The following KLHDC7A variants were observed in gnomAD, a reference collection of about 807,000 sequenced individuals.
The protein encoded by KLHDC7A is kelch domain-containing protein 7A.
For missense variants in KLHDC7A, 1,123 were observed against 1,052.6 expected (o/e 1.07, Z -0.93); for synonymous variants, 464 against 461.0 (o/e 1.01, Z -0.08).
Position 18,482,926 on chromosome 1 carries a change from C to G in KLHDC7A, c.1945C>G (p.Arg649Gly). 1 of 1,611,064 alleles carries G rather than the reference C, an allele frequency of 6.2e-7. No individual in the cohort carries two copies. The highest frequency in any genetic ancestry group is 8.5e-7 in the Non-Finnish European group (1 of 1,179,452). Residue 649 changes from arginine (R) to glycine (G), a missense_variant, in exon 1 of 1, where the codon CGC becomes GGC. By Grantham distance (125) the Arg-to-Gly change is moderately radical (BLOSUM62 -2). Transcript: ENST00000400664. ...CGGCTCGCTGCGCTTCCTGCTGTTC[C>G]GCTTCTCTGCGCAGGAGCAGCGCTG... Reference protein sequence around the residue: ...TGGSLRFLLFRFSAQEQRWWA... With the variant: ...TGGSLRFLLFGFSAQEQRWWA...
In KLHDC7A at chr1:18,482,245, C is replaced by G. The variant is rs551968821; in HGVS notation, c.1264C>G (p.Pro422Ala). The G allele has an allele frequency of 1.9e-5, 30 of 1,606,460 alleles. No individual in the cohort carries two copies. In the Admixed American group the frequency reaches 5.0e-4, roughly 27 times the overall value. Residue 422 changes from proline (P) to alanine (A), a missense_variant, in exon 1 of 1, where the codon CCT becomes GCT. Physicochemically the swap from Pro to Ala is conservative, Grantham distance 27 (BLOSUM62 -1). Transcript: ENST00000400664. ...GTNFFHIPLT[P>A]ASAPQVRLDL... ...CAATTTCTTCCATATCCCGCTCACC[C>G]CTGCTTCAGCCCCACAGGTCCGCCT...
In KLHDC7A at chr1:18,481,533, G is replaced by A. The variant is rs201844095; in HGVS notation, c.552G>A (p.Glu184=). ...CCGACGGCAGCTGTGCCGGTGGTGA[G>A]CCTTCTCCATGGCAGGACAGTAAAC... ...AAADGSCAGG[E]PSPWQDSKPR... Residue 184 remains glutamate (E), a synonymous_variant, in exon 1 of 1, where the codon GAG becomes GAA. Transcript: ENST00000400664. 76 of 1,613,204 alleles carry A rather than the reference G, an allele frequency of 4.7e-5. 1 individual carries two copies. The African/African-American group carries it at 9.5e-4, about 20-fold the overall frequency.
In KLHDC7A at chr1:18,482,010, C is replaced by T. The variant is rs778896030; in HGVS notation, c.1029C>T (p.Ala343=). The part of the protein sequence containing the change: ...GGQAGDTKGA[A]ERAASPQTGP... ...AAGCCGGTGACACAAAGGGTGCAGC[C>T]GAAAGAGCCGCCTCCCCGCAGACAG... The change falls in exon 1 of 1, where the codon GCC becomes GCT. Residue 343 remains alanine, a synonymous_variant. Coordinates refer to ENST00000400664, the MANE Select transcript of KLHDC7A (RefSeq NM_152375.3). 6.8e-6 allele frequency: 11 copies of T among 1,612,706 alleles called. No homozygotes were observed. Among genetic ancestry groups the T allele is most frequent in the Admixed American group, 3.3e-5 (2 of 59,976 alleles).
At position 18,484,732 on chromosome 1, in the gene KLHDC7A, G is replaced by C. The variant is rs1462103002; in HGVS notation, c.*1417G>C. ...TGCTGGTGCCCAGGCTGTGGGTCTT[G>C]TTGGAAGAAGCAGGACTGGAACAAA... On this transcript the variant is annotated 3_prime_UTR_variant, in exon 1 of 1. Coordinates refer to ENST00000400664, the MANE Select transcript of KLHDC7A (RefSeq NM_152375.3). 1 of 167,346 alleles carries C rather than the reference G, an allele frequency of 6.0e-6. No homozygotes were observed. Among genetic ancestry groups the C allele is most frequent in the East Asian group, 1.9e-4 (1 of 5,196 alleles). The allele number at this position is 167,346 out of a possible 1,614,324, so 10.4% of individuals were successfully genotyped here.
In KLHDC7A at chr1:18,483,543, G is replaced by A; in HGVS notation, c.*228G>A. ...CTGCAGAAAAGAGGACCAGGAGCTG[G>A]TGTTCCAAGGCAGAAGGCATTCATG... On this transcript the variant is annotated 3_prime_UTR_variant, in exon 1 of 1. Coordinates refer to ENST00000400664, the MANE Select transcript of KLHDC7A (RefSeq NM_152375.3). 7.0e-7 allele frequency: 1 copy of A among 1,423,862 alleles called. No homozygotes were observed. The highest frequency in any genetic ancestry group is 9.2e-7 in the Non-Finnish European group (1 of 1,084,692). The allele number at this position is 1,423,862 out of a possible 1,614,324, so 88.2% of individuals were successfully genotyped here. A position where few individuals can be genotyped will look rare whatever the true frequency, so the allele number is the denominator to read the frequency against.
Position 18,483,708 on chromosome 1 carries a change from C to T in KLHDC7A, c.*393C>T. 1 of 1,193,712 alleles carries T rather than the reference C, an allele frequency of 8.4e-7. No individual in the cohort carries two copies. The highest frequency in any genetic ancestry group is 1.7e-5 in the South Asian group (1 of 58,162). 73.9% of individuals were successfully genotyped at this position (1,193,712 alleles called of 1,614,324 possible). A position where few individuals can be genotyped will look rare whatever the true frequency, so the allele number is the denominator to read the frequency against. On this transcript the variant is annotated 3_prime_UTR_variant, in exon 1 of 1. Transcript: ENST00000400664. ...GACCCCAGCAGCCCCTCGCTAGTTG[C>T]TCTGGAGAGGGGTTGGCTCTCTGAG...
rs771537462 is a variant in KLHDC7A at position 18,483,037 on chromosome 1, C to T, written c.2056C>T (p.Arg686Cys). Residue 686 changes from arginine to cysteine, a missense_variant, in exon 1 of 1, where the codon CGC (arginine) becomes TGC (cysteine). Arg to Cys is a radical substitution (Grantham distance 180). Transcript: ENST00000400664. Reference sequence around the variant, plus strand: ...CTTTCTCTACCGCTTTGACCTCAACCGCAGCCTGGGCATCGCCGTGTACCG... The same window carrying T: ...CTTTCTCTACCGCTTTGACCTCAACTGCAGCCTGGGCATCGCCGTGTACCG... The part of the protein sequence containing the change: ...NGFLYRFDLN[R>C]SLGIAVYRCS... 1.2e-5 allele frequency: 19 copies of T among 1,613,432 alleles called. No individual in the cohort carries two copies. The highest frequency in any genetic ancestry group is 1.6e-5 in the Non-Finnish European group (19 of 1,179,958).
Position 18,481,710 on chromosome 1 carries a change from C to T in KLHDC7A, c.729C>T (p.Ser243=), listed in dbSNP as rs746810076. The T allele has an allele frequency of 4.3e-6, 7 of 1,613,946 alleles. No homozygotes were observed. The highest frequency in any genetic ancestry group is 2.2e-5 in the East Asian group (1 of 44,882). ...REEAGALEAA[S]DVDLTLHQQE... ...AGGCTGGGGCTCTCGAGGCTGCCTC[C>T]GATGTTGACCTGACCCTGCATCAGC... The change falls in exon 1 of 1, where the codon TCC becomes TCT. Residue 243 remains serine (S), a synonymous_variant. Transcript: ENST00000400664.
rs1225526656 is a variant in KLHDC7A, at chr1:18,481,481, G to A, written c.500G>A (p.Ser167Asn). The change falls in exon 1 of 1, where the codon AGC becomes AAC. Residue 167 changes from serine to asparagine, a missense_variant. By Grantham distance (46) the Ser-to-Asn change is conservative. Coordinates refer to ENST00000400664, the MANE Select transcript of KLHDC7A (RefSeq NM_152375.3). ...CCCCGCTTGGGCAGCGAACCGAAGAGCTCCCCAGCTGGACTCATTGCAGCA... is the reference window on the plus strand; with the variant it reads ...CCCCGCTTGGGCAGCGAACCGAAGAACTCCCCAGCTGGACTCATTGCAGCA... ...HFPRLGSEPK[S>N]SPAGLIAAAD... 1 of 1,613,588 alleles carries A rather than the reference G, an allele frequency of 6.2e-7. No homozygotes were observed. The highest frequency in any genetic ancestry group is 8.5e-7 in the Non-Finnish European group (1 of 1,180,004).
rs1478450684 is a variant in KLHDC7A at position 18,483,313 on chromosome 1, T to G, written c.2332T>G (p.Ter778GluextTer5). ...PTPDLPQTRV[*>E] ...CCCCGATTTGCCTCAGACCAGGGTC[T>G]AGCAGTCCCTCAACTGAGCTCCTCA... Residue 778 changes from the stop codon to glutamate (E), a stop_lost, in exon 1 of 1, where the codon TAG becomes GAG. Coordinates refer to ENST00000400664, the MANE Select transcript of KLHDC7A (RefSeq NM_152375.3). 1 of 1,611,102 alleles carries G rather than the reference T, an allele frequency of 6.2e-7. No individual in the cohort carries two copies. The highest frequency in any genetic ancestry group is 8.5e-7 in the Non-Finnish European group (1 of 1,178,576).
In KLHDC7A at chr1:18,482,353, A is replaced by G. The variant is rs2086898883; in HGVS notation, c.1372A>G (p.Met458Val). The stretch of plus-strand genomic sequence containing the variant: ...CCTGAAAGAGGCGGCCTACAAGGTG[A>G]TGAGCGAAAACTACCTGCAGGTGCT... The part of the protein sequence containing the change: ...EALKEAAYKV[M>V]SENYLQVLRS... The change falls in exon 1 of 1, where the codon ATG (methionine) becomes GTG (valine). Residue 458 changes from methionine (M) to valine (V), a missense_variant. Met to Val is a conservative substitution (Grantham distance 21). Transcript: ENST00000400664. The G allele has an allele frequency of 1.9e-6, 3 of 1,602,838 alleles. 1 individual carries two copies. The highest frequency in any genetic ancestry group is 2.2e-5 in the East Asian group (1 of 44,866).
In KLHDC7A at chr1:18,482,582, C is replaced by A. The variant is rs1383099707; in HGVS notation, c.1601C>A (p.Ala534Asp). ...CCCGAGGCCGTGTCCCGGGGCTGTG[C>A]CATCTGCAGTCTCTTCAATTATCTC... The part of the protein sequence containing the change: ...MPPEAVSRGC[A>D]ICSLFNYLFV... The change falls in exon 1 of 1, where the codon GCC (alanine) becomes GAC (aspartate). Residue 534 changes from alanine (A) to aspartate (D), a missense_variant. Coordinates refer to ENST00000400664, the MANE Select transcript of KLHDC7A (RefSeq NM_152375.3). 6.2e-7 allele frequency: 1 copy of A among 1,611,472 alleles called. No homozygotes were observed. Among genetic ancestry groups the A allele is most frequent in the African/African-American group, 1.3e-5 (1 of 74,928 alleles).
chr1:18,483,308 G>C lies in KLHDC7A; in HGVS notation c.2327G>C (p.Arg776Thr). The C allele has an allele frequency of 1.2e-6, 2 of 1,611,414 alleles. No homozygotes were observed. Among genetic ancestry groups the C allele is most frequent in the Non-Finnish European group, 8.5e-7 (1 of 1,178,732 alleles). The part of the protein sequence containing the change: ...TLPTPDLPQT[R>T]V ...CCCACCCCCGATTTGCCTCAGACCA[G>C]GGTCTAGCAGTCCCTCAACTGAGCT... The change falls in exon 1 of 1, where the codon AGG becomes ACG. Residue 776 changes from arginine (R) to threonine (T), a missense_variant. Transcript: ENST00000400664.
Position 18,484,069 on chromosome 1 carries a change from G to A in KLHDC7A, c.*754G>A, listed in dbSNP as rs1474653761. 7.7e-7 allele frequency: 1 copy of A among 1,296,598 alleles called. No homozygotes were observed. The highest frequency in any genetic ancestry group is 1.0e-6 in the Non-Finnish European group (1 of 981,954). The allele number at this position is 1,296,598 out of a possible 1,614,324, so 80.3% of individuals were successfully genotyped here. The stretch of plus-strand genomic sequence containing the variant: ...TACACGGAGGTCTCAGCAAAGGGAA[G>A]AAACTATGTGATCCAAGGGCCACCC... On this transcript the variant is annotated 3_prime_UTR_variant, in exon 1 of 1. Coordinates refer to ENST00000400664, the MANE Select transcript of KLHDC7A (RefSeq NM_152375.3).
Position 18,483,991 on chromosome 1 carries a change from AAAGAG to A in KLHDC7A, c.*680_*684del. 7.7e-7 allele frequency: 1 copy of A among 1,304,296 alleles called. No homozygotes were observed. The highest frequency in any genetic ancestry group is 1.0e-6 in the Non-Finnish European group (1 of 988,958). 80.8% of individuals were successfully genotyped at this position (1,304,296 alleles called of 1,614,324 possible). ...ACATTACTTTTCTCCTTATTGGAAG[AAAGAG>A]AAGCAGCCATTGTACCAAGCTATCT... On this transcript the variant is annotated 3_prime_UTR_variant, in exon 1 of 1. Transcript: ENST00000400664.
At position 18,484,298 on chromosome 1, in the gene KLHDC7A, G is replaced by C. The variant is rs148670703; in HGVS notation, c.*983G>C. The C allele has an allele frequency of 1.3e-4, 46 of 346,454 alleles. No individual in the cohort carries two copies. The East Asian group carries it at 3.5e-3, about 26-fold the overall frequency. The allele number at this position is 346,454 out of a possible 1,614,324, so 21.5% of individuals were successfully genotyped here. A position where few individuals can be genotyped will look rare whatever the true frequency, so the allele number is the denominator to read the frequency against. On this transcript the variant is annotated 3_prime_UTR_variant, in exon 1 of 1. Coordinates refer to ENST00000400664, the MANE Select transcript of KLHDC7A (RefSeq NM_152375.3). ...ATGACCAAGCGGAGGAACTAGAAGA[G>C]TCTAGTGAAGCATCCAGAGACTGGA...
In KLHDC7A at chr1:18,482,246, C is replaced by G; in HGVS notation, c.1265C>G (p.Pro422Arg). The change falls in exon 1 of 1, where the codon CCT (proline) becomes CGT (arginine). Residue 422 changes from proline to arginine, a missense_variant. Physicochemically the swap from Pro to Arg is moderately radical, Grantham distance 103 (BLOSUM62 -2). Coordinates refer to ENST00000400664, the MANE Select transcript of KLHDC7A (RefSeq NM_152375.3). Reference sequence around the variant, plus strand: ...AATTTCTTCCATATCCCGCTCACCCCTGCTTCAGCCCCACAGGTCCGCCTG... The same window carrying G: ...AATTTCTTCCATATCCCGCTCACCCGTGCTTCAGCCCCACAGGTCCGCCTG... ...GTNFFHIPLT[P>R]ASAPQVRLDL... is the part of the protein sequence containing the mutation. The G allele has an allele frequency of 6.2e-7, 1 of 1,606,532 alleles. No individual in the cohort carries two copies. The highest frequency in any genetic ancestry group is 1.1e-5 in the South Asian group (1 of 91,084).
At position 18,481,229 on chromosome 1, in the gene KLHDC7A, G is replaced by A. The variant is rs779576655; in HGVS notation, c.248G>A (p.Arg83Gln). 4 of 1,586,660 alleles carry A rather than the reference G, an allele frequency of 2.5e-6. No individual in the cohort carries two copies. The highest frequency in any genetic ancestry group is 1.1e-5 in the South Asian group (1 of 87,212). Reference sequence around the variant, plus strand: ...GTGCTCCTGAGGGGGCCAAGACGTCGGAGGAGCAGCAAGCGGGCTGAAGCA... The same window carrying A: ...GTGCTCCTGAGGGGGCCAAGACGTCAGAGGAGCAGCAAGCGGGCTGAAGCA... ...PGVLLRGPRR[R>Q]RSSKRAEAPQ... The change falls in exon 1 of 1, where the codon CGG becomes CAG. Residue 83 changes from arginine (R) to glutamine (Q), a missense_variant. By Grantham distance (43) the Arg-to-Gln change is conservative. Transcript: ENST00000400664.
At position 18,483,118 on chromosome 1, in the gene KLHDC7A, C is replaced by G. The variant is rs2086910283; in HGVS notation, c.2137C>G (p.Pro713Ala). Residue 713 changes from proline (P) to alanine (A), a missense_variant, in exon 1 of 1, where the codon CCG becomes GCG. Transcript: ENST00000400664. ...GTGCGCCACGTACCGGACGCCTTAC[C>G]CGGATGCCTTCCAGTGCGCCGTGGT... ...YECATYRTPY[P>A]DAFQCAVVDN... 1 of 1,613,844 alleles carries G rather than the reference C, an allele frequency of 6.2e-7. No homozygotes were observed. Among genetic ancestry groups the G allele is most frequent in the African/African-American group, 1.3e-5 (1 of 74,946 alleles).
Sources: gnomAD v4.1 joint callset for allele counts on GRCh38, gnomAD v4.1.1 for gene constraint, MANE v1.5 for transcripts, NCBI Gene and HGNC (gene_info 2026-07-23, HGNC 2026-07-21) for gene names.